The following BCL2L13 variants were observed in gnomAD, a reference collection of about 807,000 sequenced individuals.
BCL2L13 encodes the protein bcl-2-like protein 13.
A neutral mutation model predicts 25.8 loss-of-function variants in BCL2L13; 13 were observed. That is an observed-to-expected ratio of 0.50 (90% CI 0.33 to 0.80). The LOEUF (loss-of-function observed/expected upper bound fraction) is 0.80. Among genes scored for constraint, BCL2L13 ranks in the 30% least tolerant of loss-of-function variants. The pLI, the probability that BCL2L13 is intolerant of heterozygous loss-of-function variation, is 0.02. For synonymous variants in BCL2L13, 244 were observed against 230.3 expected, an observed-to-expected ratio of 1.06 and a Z score of -0.54; for missense variants, 504 against 574.9, an observed-to-expected ratio of 0.88 and a Z score of 1.26.
chr22:17,684,834 G>A (rs962881574), intron 3 of BCL2L13: 5 of 330,406 alleles, frequency 1.5e-5, no homozygotes, highest in African/African-American at 9.0e-5. Flanking sequence ...CTGGGTTCAG[G>A]CCATTCTCCT....
At position 17,714,217 on chromosome 22, in the gene BCL2L13, C is replaced by T. The variant is rs548797887; in HGVS notation, c.600+11831C>T. ...CTGAGGCAGGAGAAAGGCGTGAACC[C>T]GGGAGGTGGAGCTTGGAGTGAGCAG... On this transcript the variant is annotated intron_variant, in intron 6 of 6. Transcript: ENST00000317582. Among the ~76,000 whole-genome samples, 489 of 152,018 alleles carry T rather than the reference C, an allele frequency of 3.2e-3. 3 individuals carry two copies. The highest frequency in any genetic ancestry group is 4.3e-3 in the Admixed American group (65 of 15,270).
intron 2 of BCL2L13, among the ~76,000 whole-genome samples, chr22:17,671,711 C>A (rs2059425937): frequency 6.6e-6 from 1 of 152,014 alleles, no homozygotes; most frequent in South Asian, 2.1e-4. Flanking sequence ...CTGCCCCAAA[C>A]ATCTGTTTTC....
intron 1 of BCL2L13, among the ~76,000 whole-genome samples, chr22:17,645,455 C>G (rs1169468683): frequency 6.6e-6 from 1 of 150,986 alleles, no homozygotes; most frequent in East Asian, 1.9e-4. Context: ...CTCCTGGCCT[C>G]AAGTAATCCA....
chr22:17,715,166 ATATATTTTTTTTTTTTT>A (rs2060906545), intron 6 of BCL2L13, among the ~76,000 whole-genome samples: 1 of 5,646 alleles, frequency 1.8e-4, no homozygotes, highest in African/African-American at 7.1e-4. Context: ...ATATATATAT[ATATATTTTTTTTTTTTT>A]TTTTTTTTTT....
chr22:17,677,878 C>A (rs532593665), intron 2 of BCL2L13, among the ~76,000 whole-genome samples: 2,273 of 148,178 alleles, frequency 0.015, 55 homozygotes, highest in African/African-American at 0.052. Flanking sequence ...AAAAAAAAAA[C>A]AAAAAAACCC....
intron 2 of BCL2L13, among the ~76,000 whole-genome samples, chr22:17,659,888 C>T (rs771235181): frequency 6.8e-6 from 1 of 146,092 alleles, no homozygotes; most frequent in Non-Finnish European, 1.6e-5. Flanking sequence ...AAGAATCTTG[C>T]TGTGTCACCC....
At chr22:17,670,591 C>G (rs2059386095) in intron 2 of BCL2L13, among the ~76,000 whole-genome samples, 1 of 152,006 alleles carries the variant, frequency 6.6e-6, no homozygotes, top group Non-Finnish European at 1.5e-5. Flanking sequence ...TCAGGCTGGT[C>G]TCAAGCCCCC....
upstream of BCL2L13, among the ~76,000 whole-genome samples, chr22:17,637,858 TCATAA>T (rs2058139804): frequency 6.6e-6 from 1 of 152,154 alleles, no homozygotes. Context: ...GATATAGATC[TCATAA>T]CATAGAATTC....
chr22:17,724,557 A>G (rs2061242684), intron 6 of BCL2L13, among the ~76,000 whole-genome samples: 2 of 152,344 alleles, frequency 1.3e-5, no homozygotes, highest in African/African-American at 4.8e-5. Context: ...TGATGCCGAC[A>G]TCATGGTCGT....
intron 3 of BCL2L13, among the ~76,000 whole-genome samples, chr22:17,683,839 C>G (rs963921383): frequency 7.7e-6 from 1 of 129,792 alleles, no homozygotes; most frequent in Non-Finnish European, 1.6e-5. Context: ...TTTACTCAGT[C>G]ATTCCATTAT....
chr22:17,720,154 T>TTTTCTGTCTTTCTTTCTTTCTTTCTTTC (rs2061073753), intron 6 of BCL2L13, among the ~76,000 whole-genome samples: 1 of 141,736 alleles, frequency 7.1e-6, no homozygotes, highest in Non-Finnish European at 1.5e-5. Context: ...GTGGGTTTCA[T>TTTTCTGTCTTTCTTTCTTTCTTTCTTTC]TTTCTTTCTT....
chr22:17,653,208 A>G (rs1027759409), intron 1 of BCL2L13, among the ~76,000 whole-genome samples: 3 of 152,194 alleles, frequency 2.0e-5, no homozygotes, highest in South Asian at 4.1e-4. Flanking sequence ...TGTATACCCT[A>G]AAGTGATTTC....
At position 17,663,243 on chromosome 22, in the gene BCL2L13, A is replaced by G. The variant is rs934356212; in HGVS notation, c.121+7411A>G. Among the ~76,000 whole-genome samples the G allele has an allele frequency of 1.4e-4, 22 of 152,180 alleles. 1 individual carries two copies. Among genetic ancestry groups the G allele is most frequent in the Non-Finnish European group, 7.3e-5 (5 of 68,040 alleles). ...TCTATTATTTGTCTGCTGCCATTCT[A>G]GCTTAAGAGTGAGTAGTAGTAAGAA... On this transcript the variant is annotated intron_variant, in intron 2 of 6. Transcript: ENST00000317582.
Position 17,661,860 on chromosome 22 carries a change from G to A in BCL2L13, c.121+6028G>A, listed in dbSNP as rs181408034. ...TACAAAATTAGGTGGGTGTGGTGGC[G>A]CACACCTGTAATCCCAGCTACTGGG... On this transcript the variant is annotated intron_variant, in intron 2 of 6. Transcript: ENST00000317582. Among the ~76,000 whole-genome samples the A allele has an allele frequency of 2.6e-3, 295 of 113,632 alleles. 22 individuals carry two copies. The highest frequency in any genetic ancestry group is 6.8e-3 in the African/African-American group (261 of 38,472). The allele number at this position is 113,632 out of a possible 152,430, so 74.5% of individuals were successfully genotyped here. A position where few individuals can be genotyped will look rare whatever the true frequency, so the allele number is the denominator to read the frequency against.
intron 6 of BCL2L13, among the ~76,000 whole-genome samples, chr22:17,710,350 G>A (rs5992799): frequency 0.089 from 13,540 of 152,150 alleles, 712 homozygotes; most frequent in Non-Finnish European, 0.11. Context: ...GGAGGCCGAG[G>A]CAGGCAGATC....
intron 2 of BCL2L13, among the ~76,000 whole-genome samples, chr22:17,679,662 G>T (rs1384587625): frequency 6.6e-6 from 1 of 152,034 alleles, no homozygotes; most frequent in Non-Finnish European, 1.5e-5. Context: ...ATTCAAGAAA[G>T]AATATTTTTG....
At chr22:17,680,391 C>T (rs1032466840) in intron 2 of BCL2L13, among the ~76,000 whole-genome samples, 7 of 147,660 alleles carry the variant, frequency 4.7e-5, no homozygotes, top group African/African-American at 1.0e-4. Context: ...GCGCCTTAGT[C>T]CCAGCTACTC....
chr22:17,646,071 C>T (rs902398535), intron 1 of BCL2L13, among the ~76,000 whole-genome samples: 1 of 151,432 alleles, frequency 6.6e-6, no homozygotes, highest in South Asian at 2.1e-4. Context: ...GGAACTTGAG[C>T]ATCTGAGGAT....
upstream of BCL2L13, among the ~76,000 whole-genome samples, chr22:17,636,810 A>T (rs986120144): frequency 4.6e-5 from 7 of 152,080 alleles, no homozygotes; most frequent in African/African-American, 7.2e-5. Context: ...ATAATAATAA[A>T]AAATAAATAA....
Sources: gnomAD v4.1 joint callset for allele counts (sites outside exome capture counted in the v4.1 genomes callset) on GRCh38, gnomAD v4.1.1 for gene constraint, MANE v1.5 for transcripts, NCBI Gene and HGNC (gene_info 2026-07-23, HGNC 2026-07-21) for gene names.